MCPH1: variants seen among roughly 807,000 people sequenced by gnomAD.
The protein encoded by MCPH1 is microcephalin 1, also known as microcephalin.
Under a neutral mutation model 84.5 loss-of-function variants are expected in MCPH1, and 104 were observed. The ratio of observed to expected loss-of-function variants is 1.23; its 90% confidence interval spans 1.05 to 1.45. The LOEUF is 1.45. Among genes scored for constraint, MCPH1 ranks in the 40% most tolerant of loss-of-function variants. The pLI is 0.00. For synonymous variants in MCPH1, 514 were observed against 366.8 expected (o/e 1.40, Z -4.58); for missense variants, 1,498 against 1,005.7 (o/e 1.49, Z -6.62).
At chr8:6,544,478 T>C (rs555780234) in intron 12 of MCPH1, among the ~76,000 whole-genome samples, 1 of 152,290 alleles carries the variant, frequency 6.6e-6, no homozygotes, top group East Asian at 1.9e-4. Context: ...CTACAAAATA[T>C]ATGTTACGTC....
At chr8:6,550,566 G>T (rs1563111010) in intron 12 of MCPH1, among the ~76,000 whole-genome samples, 1 of 152,210 alleles carries the variant, frequency 6.6e-6, no homozygotes. Flanking sequence ...GGGGTGAGGG[G>T]TGTGCTTCTG....
At chr8:6,466,396 C>G (rs1321959304) in intron 9 of MCPH1, among the ~76,000 whole-genome samples, 1 of 151,554 alleles carries the variant, frequency 6.6e-6, no homozygotes, top group African/African-American at 2.4e-5. Context: ...CAACCTCCAC[C>G]TCCTGGGTTC....
chr8:6,589,761 A>G (rs1828292400), intron 12 of MCPH1, among the ~76,000 whole-genome samples: 2 of 152,246 alleles, frequency 1.3e-5, no homozygotes, highest in African/African-American at 4.8e-5. Flanking sequence ...CATTATGTGT[A>G]AATTGCCAAA....
At chr8:6,589,370 C>A (rs1828263654) in intron 12 of MCPH1, among the ~76,000 whole-genome samples, 2 of 152,164 alleles carry the variant, frequency 1.3e-5, no homozygotes, top group Admixed American at 1.3e-4. Context: ...TGTCTTCCTT[C>A]ATCTTTTATT....
At chr8:6,535,219 C>T (rs1054136346) in intron 12 of MCPH1, among the ~76,000 whole-genome samples, 3 of 152,196 alleles carry the variant, frequency 2.0e-5, no homozygotes, top group Non-Finnish European at 4.4e-5. Flanking sequence ...AATGAATCCT[C>T]TAATACTGCC....
chr8:6,541,140 T>C (rs1472207423), intron 12 of MCPH1, among the ~76,000 whole-genome samples: 1 of 152,220 alleles, frequency 6.6e-6, no homozygotes, highest in East Asian at 1.9e-4. Flanking sequence ...TGAGATGTCC[T>C]GAAGAGCAAG....
At chr8:6,494,719 T>G (rs145536003) in intron 11 of MCPH1, among the ~76,000 whole-genome samples, 5 of 152,022 alleles carry the variant, frequency 3.3e-5, no homozygotes, top group Admixed American at 2.6e-4. Flanking sequence ...AGAAAACTAA[T>G]TAGAAGTTAC....
intron 12 of MCPH1, among the ~76,000 whole-genome samples, chr8:6,575,558 T>A (rs960015275): frequency 6.6e-6 from 1 of 152,214 alleles, no homozygotes; most frequent in Non-Finnish European, 1.5e-5. Flanking sequence ...AGCATGCAAC[T>A]CTTCATAAAT....
Position 6,414,664 on chromosome 8 carries a change from G to T in MCPH1, c.115-101G>T, listed in dbSNP as rs2440437. 0.99 allele frequency: 1,315,931 copies of T among 1,323,616 alleles called. 654,474 individuals carry two copies. The highest frequency in any genetic ancestry group is 1 in the East Asian group (41,244 of 41,244). The allele number at this position is 1,323,616 out of a possible 1,614,324, so 82.0% of individuals were successfully genotyped here. ...TCCTTTGAGTGTTTCTCTGTCAGAT[G>T]TTGAGAAACAGAATTGCTGGGGTAG... On this transcript the variant is annotated intron_variant, in intron 2 of 13. Transcript: ENST00000344683.
Position 6,480,796 on chromosome 8 carries a change from G to A in MCPH1, c.2056G>A (p.Val686Met), listed in dbSNP as rs1173818854. 3.7e-6 allele frequency: 6 copies of A among 1,614,202 alleles called. No homozygotes were observed. Among genetic ancestry groups the A allele is most frequent in the East Asian group, 2.2e-5 (1 of 44,884 alleles). Residue 686 changes from valine (V) to methionine (M), a missense_variant, in exon 11 of 14, where the codon GTG (valine) becomes ATG (methionine). Transcript: ENST00000344683. ...AGACGTCTGTGAGACCACGACTCAC[G>A]TGCTTTCCGGGAAGCCACTTCGCAC... ...APDVCETTTH[V>M]LSGKPLRTLN... is the part of the protein sequence containing the mutation.
chr8:6,464,493 G>A (rs1481619660), intron 9 of MCPH1, among the ~76,000 whole-genome samples: 1 of 152,196 alleles, frequency 6.6e-6, no homozygotes, highest in Non-Finnish European at 1.5e-5. Flanking sequence ...TTCACTAACT[G>A]ATTTTGCATG....
chr8:6,547,898 T>C (rs953184334), intron 12 of MCPH1, among the ~76,000 whole-genome samples: 36 of 152,186 alleles, frequency 2.4e-4, no homozygotes, highest in African/African-American at 8.7e-4. Flanking sequence ...TTTTTTTTTT[T>C]TTTTAACCAA....
At chr8:6,488,891 G>C (rs192318457) in intron 11 of MCPH1, among the ~76,000 whole-genome samples, 1 of 152,094 alleles carries the variant, frequency 6.6e-6, no homozygotes, top group Non-Finnish European at 1.5e-5. Context: ...TAGAGGGGGG[G>C]TTGATAGGTG....
At chr8:6,494,120 G>A (rs1157464722) in intron 11 of MCPH1, 2 of 151,922 alleles carry the variant, frequency 1.3e-5, no homozygotes, top group African/African-American at 2.4e-5. Flanking sequence ...TTTATTTTTT[G>A]TAGAGACAGA....
intron 12 of MCPH1, among the ~76,000 whole-genome samples, chr8:6,522,255 T>G (rs866685266): frequency 2.0e-5 from 3 of 151,736 alleles, no homozygotes; most frequent in Admixed American, 6.6e-5. Context: ...CTCTGGAGGC[T>G]GAGGCAGGAG....
intron 12 of MCPH1, among the ~76,000 whole-genome samples, chr8:6,587,048 C>A (rs1828048874): frequency 6.6e-6 from 1 of 151,972 alleles, no homozygotes; most frequent in Admixed American, 6.6e-5. Context: ...CTAGGGACCT[C>A]TGCTTCCACT....
At chr8:6,417,310 A>G (rs1382601500) in intron 3 of MCPH1, among the ~76,000 whole-genome samples, 1 of 152,218 alleles carries the variant, frequency 6.6e-6, no homozygotes, top group African/African-American at 2.4e-5. Context: ...TTTGCGGGCC[A>G]TATGGTCTCT....
chr8:6,456,207 G>C (rs1465551536), intron 9 of MCPH1, among the ~76,000 whole-genome samples: 4 of 152,176 alleles, frequency 2.6e-5, no homozygotes, highest in African/African-American at 9.7e-5. Flanking sequence ...TTCAGGTAAA[G>C]CAACAGATGT....
At chr8:6,603,505 G>C (rs1188477597) in intron 12 of MCPH1, among the ~76,000 whole-genome samples, 1 of 152,162 alleles carries the variant, frequency 6.6e-6, no homozygotes, top group African/African-American at 2.4e-5. Context: ...TGATCCTGTA[G>C]AGCGTTTATG....
Sources: allele counts gnomAD v4.1 joint callset (sites outside exome capture counted in the v4.1 genomes callset), GRCh38; gene constraint gnomAD v4.1.1; transcripts MANE v1.5; gene names NCBI Gene and HGNC (gene_info 2026-07-23, HGNC 2026-07-21).